The following GJB7 variants were observed in gnomAD, a reference collection of about 807,000 sequenced individuals.
The protein encoded by GJB7 is gap junction beta-7 protein.
For missense variants in GJB7, 253 were observed against 256.8 expected, an observed-to-expected ratio of 0.99 and a Z score of 0.10; for synonymous variants, 87 against 95.2, an observed-to-expected ratio of 0.91 and a Z score of 0.50.
At chr6:87,316,140 G>A (rs1451593473) in intron 2 of GJB7, among the ~76,000 whole-genome samples, 9 of 152,078 alleles carry the variant, frequency 5.9e-5, no homozygotes, top group Non-Finnish European at 1.5e-5. Flanking sequence ...AATTTCTTCT[G>A]TATACATGAG....
intron 2 of GJB7, chr6:87,292,000 A>G (rs1011813101): frequency 1.3e-5 from 2 of 152,358 alleles, no homozygotes; most frequent in East Asian, 3.8e-4. Flanking sequence ...AAAAAGCATG[A>G]GTTGGTTATA....
chr6:87,312,501 A>G (rs1776524415), intron 2 of GJB7, among the ~76,000 whole-genome samples: 1 of 144,514 alleles, frequency 6.9e-6, no homozygotes, highest in African/African-American at 2.6e-5. Flanking sequence ...ACAGAGTGAG[A>G]CTCTGTCTAC....
intron 2 of GJB7, among the ~76,000 whole-genome samples, chr6:87,320,599 G>A (rs1776642215): frequency 6.6e-6 from 1 of 152,162 alleles, no homozygotes; most frequent in Admixed American, 6.5e-5. Context: ...GCTACAGCTT[G>A]ATTTTATACA....
chr6:87,323,742 C>T (rs1425306987), intron 1 of GJB7, among the ~76,000 whole-genome samples: 1 of 152,026 alleles, frequency 6.6e-6, no homozygotes, highest in Non-Finnish European at 1.5e-5. Flanking sequence ...CATACGTGTG[C>T]TTGTGTCTTT....
At chr6:87,311,602 GAC>G (rs1421147570) in intron 2 of GJB7, among the ~76,000 whole-genome samples, 32 of 152,222 alleles carry the variant, frequency 2.1e-4, no homozygotes, top group Non-Finnish European at 3.1e-4. Flanking sequence ...TGAAGTTCAT[GAC>G]ACAGTATTTT....
chr6:87,325,478 G>C (rs990488271), intron 1 of GJB7, among the ~76,000 whole-genome samples: 5 of 104,408 alleles, frequency 4.8e-5, no homozygotes, highest in Non-Finnish European at 8.2e-5. Flanking sequence ...TAGCATGAAG[G>C]GTTATTGAAT....
At chr6:87,326,530 T>C (rs955202212) in intron 1 of GJB7, among the ~76,000 whole-genome samples, 1 of 151,682 alleles carries the variant, frequency 6.6e-6, no homozygotes, top group Non-Finnish European at 1.5e-5. Flanking sequence ...ATGTACCCAG[T>C]AGTCATTCAG....
chr6:87,321,261 G>T (rs1209060389), intron 2 of GJB7, among the ~76,000 whole-genome samples: 1 of 150,834 alleles, frequency 6.6e-6, no homozygotes, highest in African/African-American at 2.4e-5. Flanking sequence ...GTAAGGGAAA[G>T]AGATTTTCTA....
rs143529224 is a variant in GJB7 at position 87,284,569 on chromosome 6, G to A, written c.344C>T (p.Thr115Ile). The A allele has an allele frequency of 1.3e-5, 21 of 1,614,028 alleles. No homozygotes were observed. Among genetic ancestry groups the A allele is most frequent in the Non-Finnish European group, 1.7e-5 (20 of 1,180,022 alleles). The change falls in exon 3 of 3, where the codon ACA (threonine) becomes ATA (isoleucine). Residue 115 changes from threonine to isoleucine, a missense_variant. By Grantham distance (89) the Thr-to-Ile change is moderately conservative. Transcript: ENST00000525899. Reference sequence around the variant, plus strand: ...AGCGTACCATAGGCCCCCATCCATTGTACCTGGGCTGACATAGAGTTTCTT... The same window carrying A: ...AGCGTACCATAGGCCCCCATCCATTATACCTGGGCTGACATAGAGTTTCTT... The part of the protein sequence containing the change: ...HRKKLYVSPG[T>I]MDGGLWYAYL...
chr6:87,296,061 TAAG>T (rs951090703), intron 2 of GJB7, among the ~76,000 whole-genome samples: 8 of 152,202 alleles, frequency 5.3e-5, no homozygotes, highest in African/African-American at 1.9e-4. Context: ...TTGTGGATCT[TAAG>T]AAAACAAGTG....
intron 2 of GJB7, among the ~76,000 whole-genome samples, chr6:87,291,419 A>G (rs1374245361): frequency 6.6e-6 from 1 of 152,216 alleles, no homozygotes; most frequent in Non-Finnish European, 1.5e-5. Flanking sequence ...CACCACTTGC[A>G]AGGTTTTTAA....
intron 1 of GJB7, 65 bp downstream of exon 1, chr6:87,329,073 C>G (rs1776923032): frequency 6.5e-6 from 1 of 153,098 alleles, no homozygotes; most frequent in Admixed American, 6.5e-5. Flanking sequence ...TGACCCCTTG[C>G]ACTTCCCGAG....
chr6:87,292,586 A>G (rs1776192779), intron 2 of GJB7, among the ~76,000 whole-genome samples: 1 of 152,202 alleles, frequency 6.6e-6, no homozygotes, highest in Non-Finnish European at 1.5e-5. Context: ...AGAGAGAGAG[A>G]GGGAGTGATT....
chr6:87,321,271 A>G (rs1003775239), intron 2 of GJB7, among the ~76,000 whole-genome samples: 6 of 151,498 alleles, frequency 4.0e-5, no homozygotes, highest in Non-Finnish European at 8.8e-5. Flanking sequence ...GAGATTTTCT[A>G]TAGAATGTAA....
intron 2 of GJB7, among the ~76,000 whole-genome samples, chr6:87,296,155 A>G (rs921069780): frequency 1.3e-5 from 2 of 152,248 alleles, no homozygotes; most frequent in African/African-American, 4.8e-5. Flanking sequence ...CAGGTGACAG[A>G]TAAATCTAGG....
At chr6:87,301,529 G>C (rs1053160152) in intron 2 of GJB7, among the ~76,000 whole-genome samples, 4 of 152,314 alleles carry the variant, frequency 2.6e-5, no homozygotes, top group African/African-American at 9.6e-5. Context: ...CAAAGTGGCC[G>C]GGAAGCTCTA....
At chr6:87,300,037 GT>G (rs1330742855) in intron 2 of GJB7, 1 of 332,526 alleles carries the variant, frequency 3.0e-6, no homozygotes, top group East Asian at 5.8e-5. Flanking sequence ...CCTTAATGCT[GT>G]AAGAGCTGCT....
chr6:87,324,225 G>T (rs576235179), intron 1 of GJB7, among the ~76,000 whole-genome samples: 184 of 152,218 alleles, frequency 1.2e-3, no homozygotes, highest in African/African-American at 4.4e-3. Flanking sequence ...TTTGTAGGTT[G>T]CCTGTTCACT....
chr6:87,307,645 T>C (rs1776452503), intron 2 of GJB7, among the ~76,000 whole-genome samples: 1 of 152,102 alleles, frequency 6.6e-6, no homozygotes, highest in Admixed American at 6.5e-5. Context: ...TCACTGGACA[T>C]CAGAGAAATA....
Sources: gnomAD v4.1 joint callset for allele counts (sites outside exome capture counted in the v4.1 genomes callset) on GRCh38, gnomAD v4.1.1 for gene constraint, MANE v1.5 for transcripts, NCBI Gene and HGNC (gene_info 2026-07-23, HGNC 2026-07-21) for gene names.